Variants in CNTNAP5 observed in about 807,000 individuals in gnomAD.
CNTNAP5 encodes the protein contactin-associated protein-like 5.
A neutral mutation model predicts 150.2 loss-of-function variants in CNTNAP5; 72 were observed. The ratio of observed to expected loss-of-function variants is 0.48; its 90% CI spans 0.40 to 0.58. The LOEUF (loss-of-function observed/expected upper bound fraction) is 0.58, where lower values mean the gene tolerates loss of function less well. Ranked by LOEUF, CNTNAP5 falls within the 20% of genes least tolerant of loss-of-function variation. The pLI is 0.00. For missense variants in CNTNAP5, 1,636 were observed against 1,626.2 expected, an observed-to-expected ratio of 1.01 and a Z score of -0.10; for synonymous variants, 672 against 619.8, an observed-to-expected ratio of 1.08 and a Z score of -1.25.
At chr2:124,459,904 T>C (rs1693208445) in intron 6 of CNTNAP5, among the ~76,000 whole-genome samples, 1 of 152,180 alleles carries the variant, frequency 6.6e-6, no homozygotes, top group South Asian at 2.1e-4. Context: ...TGCTTAGCTG[T>C]TTGTGCAAAT....
At chr2:124,821,763 T>G (rs1682496963) in intron 19 of CNTNAP5, among the ~76,000 whole-genome samples, 1 of 152,202 alleles carries the variant, frequency 6.6e-6, no homozygotes, top group African/African-American at 2.4e-5. Context: ...ATTGCCTGGG[T>G]ATGTGTTGGA....
chr2:124,913,362 G>A (rs1300592038), intron 23 of CNTNAP5, among the ~76,000 whole-genome samples: 1 of 151,988 alleles, frequency 6.6e-6, no homozygotes, highest in East Asian at 1.9e-4. Context: ...GCAAAGGTAG[G>A]GGTGAGACCC....
intron 19 of CNTNAP5, among the ~76,000 whole-genome samples, chr2:124,854,350 A>T (rs866254288): frequency 3.9e-5 from 6 of 152,216 alleles, no homozygotes; most frequent in African/African-American, 4.8e-5. Context: ...ATCCCATTTC[A>T]TTATGAATAT....
At chr2:124,773,081 A>G in intron 17 of CNTNAP5, 64 bp downstream of exon 17, 1 of 1,297,942 alleles carries the variant, frequency 7.7e-7, no homozygotes, top group Admixed American at 1.8e-5. Context: ...GACCATGCCC[A>G]AGAAAAAATT....
At chr2:124,464,223 G>A (rs1295112578) in intron 6 of CNTNAP5, among the ~76,000 whole-genome samples, 1 of 152,082 alleles carries the variant, frequency 6.6e-6, no homozygotes, top group Non-Finnish European at 1.5e-5. Flanking sequence ...GTCAGGACAT[G>A]GATGAAGCAA....
At chr2:124,724,868 T>C (rs2105120289) in intron 13 of CNTNAP5, among the ~76,000 whole-genome samples, 1 of 151,370 alleles carries the variant, frequency 6.6e-6, no homozygotes, top group East Asian at 1.9e-4. Flanking sequence ...TTTACTGTGG[T>C]ACATTAATCC....
At chr2:124,913,071 C>A (rs1412024991) in intron 23 of CNTNAP5, among the ~76,000 whole-genome samples, 1 of 152,024 alleles carries the variant, frequency 6.6e-6, no homozygotes, top group Admixed American at 6.6e-5. Flanking sequence ...GACATGCAAT[C>A]CATTTATGAA....
chr2:124,769,105 T>C (rs1222197428), intron 16 of CNTNAP5, among the ~76,000 whole-genome samples: 1 of 151,948 alleles, frequency 6.6e-6, no homozygotes, highest in East Asian at 1.9e-4. Flanking sequence ...AAATGGAGTG[T>C]GGTTCCGTCT....
chr2:124,643,369 G>A (rs1678134483), intron 12 of CNTNAP5, among the ~76,000 whole-genome samples: 1 of 152,096 alleles, frequency 6.6e-6, no homozygotes, highest in Non-Finnish European at 1.5e-5. Context: ...AGTATCAGAG[G>A]GCAATATTTT....
intron 13 of CNTNAP5, among the ~76,000 whole-genome samples, chr2:124,690,160 A>G (rs558888433): frequency 1.3e-5 from 2 of 152,232 alleles, no homozygotes; most frequent in Admixed American, 6.5e-5. Flanking sequence ...ATCTATATCT[A>G]TTAAAAACAC....
At chr2:124,755,878 T>C (rs1221927065) in intron 14 of CNTNAP5, among the ~76,000 whole-genome samples, 3 of 152,210 alleles carry the variant, frequency 2.0e-5, no homozygotes, top group Non-Finnish European at 4.4e-5. Flanking sequence ...AGTAATATTT[T>C]ATTATGTAAT....
chr2:124,092,519 T>A (rs1385884001), intron 1 of CNTNAP5, among the ~76,000 whole-genome samples: 3 of 152,156 alleles, frequency 2.0e-5, no homozygotes, highest in Non-Finnish European at 2.9e-5. Context: ...AATGTATAGA[T>A]GAGGTGACAA....
intron 6 of CNTNAP5, among the ~76,000 whole-genome samples, chr2:124,465,425 A>C (rs1183758887): frequency 1.3e-5 from 2 of 152,204 alleles, no homozygotes; most frequent in Non-Finnish European, 2.9e-5. Context: ...GCACTCATTC[A>C]ATATGCCAAG....
intron 1 of CNTNAP5, among the ~76,000 whole-genome samples, chr2:124,116,433 G>A (rs541276613): frequency 6.6e-6 from 1 of 152,192 alleles, no homozygotes; most frequent in Non-Finnish European, 1.5e-5. Context: ...GAAGGGAAGA[G>A]ATGGCAGTAG....
intron 19 of CNTNAP5, among the ~76,000 whole-genome samples, chr2:124,844,450 C>A (rs1020990318): frequency 6.6e-6 from 1 of 151,974 alleles, no homozygotes; most frequent in South Asian, 2.1e-4. Flanking sequence ...TAATGCGATG[C>A]CTCCATATTT....
rs2104644882 is a variant in CNTNAP5 at position 124,053,255 on chromosome 2, A to G, written c.82+27523A>G. On this transcript the variant is annotated intron_variant, in intron 1 of 23. Transcript: ENST00000682447. ...AATTTGGCTGAGGTGAAGCAGAACC[A>G]AAAATCATCAGATTCAGCCACTAGA... Among the ~76,000 whole-genome samples the G allele has an allele frequency of 2.0e-5, 3 of 152,328 alleles. No individual in the cohort carries two copies. In the South Asian group the frequency reaches 6.2e-4, roughly 32 times the overall value.
intron 14 of CNTNAP5, among the ~76,000 whole-genome samples, chr2:124,761,347 T>C (rs1249904174): frequency 6.6e-6 from 1 of 152,150 alleles, no homozygotes; most frequent in Non-Finnish European, 1.5e-5. Context: ...CAAATTCCCC[T>C]TGATGGTTCC....
chr2:124,666,840 C>T (rs552182079), intron 13 of CNTNAP5, among the ~76,000 whole-genome samples: 1 of 152,160 alleles, frequency 6.6e-6, no homozygotes. Context: ...GCTTGCGTTT[C>T]TTTCCCATAC....
chr2:124,870,397 T>C (rs1340914259), intron 21 of CNTNAP5, among the ~76,000 whole-genome samples: 1 of 152,090 alleles, frequency 6.6e-6, no homozygotes, highest in East Asian at 1.9e-4. Context: ...TTCTCATTCT[T>C]TTTCTTTCAA....
Sources: gnomAD v4.1 joint callset for allele counts (sites outside exome capture counted in the v4.1 genomes callset) on GRCh38, gnomAD v4.1.1 for gene constraint, MANE v1.5 for transcripts, NCBI Gene and HGNC (gene_info 2026-07-23, HGNC 2026-07-21) for gene names.